RDH14: variants seen among roughly 807,000 people sequenced by gnomAD.
RDH14 encodes retinol dehydrogenase 14.
In RDH14, 17 loss-of-function variants were observed where a neutral mutation model predicts 19.3. The observed-to-expected ratio is 0.88, with a 90% CI of 0.60 to 1.32. RDH14 has a LOEUF of 1.32. Among genes scored for constraint, RDH14 ranks in the 40% most tolerant of loss-of-function variants. RDH14 has a pLI of 0.00. For synonymous variants in RDH14, 215 were observed against 188.9 expected (o/e 1.14, Z -1.13); for missense variants, 534 against 449.2 (o/e 1.19, Z -1.71).
chr2:18,560,083 C>T (rs1664050947), intron 1 of RDH14, 97 bp downstream of exon 1: 2 of 1,347,578 alleles, frequency 1.5e-6, no homozygotes, highest in African/African-American at 1.5e-5. Context: ...ACACCCTGAA[C>T]CCCAGGGCGG....
At position 18,555,048 on chromosome 2, in the gene RDH14, A is replaced by G; in HGVS notation, c.*143T>C. On this transcript the variant is annotated 3_prime_UTR_variant, in exon 2 of 2. Coordinates refer to ENST00000381249, the MANE Select transcript of RDH14 (RefSeq NM_020905.4). ...CCAAAAATAATTTTTCAGTAACTCCAAAATACCCACATGTACCTCTTAGCA... is the reference window on the plus strand; with the variant it reads ...CCAAAAATAATTTTTCAGTAACTCCGAAATACCCACATGTACCTCTTAGCA... 7.5e-7 allele frequency: 1 copy of G among 1,325,736 alleles called. No homozygotes were observed. Among genetic ancestry groups the G allele is most frequent in the Non-Finnish European group, 1.0e-6 (1 of 991,524 alleles). The allele number at this position is 1,325,736 out of a possible 1,614,324, so 82.1% of individuals were successfully genotyped here.
Position 18,555,137 on chromosome 2 carries a change from A to G in RDH14, c.*54T>C. ...AAGTTCTCAATCCACACCATTCCTGATCACAGATATAACTGATATGCAGTT... is the reference window on the plus strand; with the variant it reads ...AAGTTCTCAATCCACACCATTCCTGGTCACAGATATAACTGATATGCAGTT... On this transcript the variant is annotated 3_prime_UTR_variant, in exon 2 of 2. Coordinates refer to ENST00000381249, the MANE Select transcript of RDH14 (RefSeq NM_020905.4). The G allele has an allele frequency of 6.4e-7, 1 of 1,571,948 alleles. No homozygotes were observed. Among genetic ancestry groups the G allele is most frequent in the Non-Finnish European group, 8.6e-7 (1 of 1,159,624 alleles).
chr2:18,555,225 T>C lies in RDH14; in HGVS notation c.977A>G (p.Asp326Gly), dbSNP rs777947764. Residue 326 changes from aspartate to glycine, a missense_variant, in exon 2 of 2, where the codon GAT becomes GGT. By Grantham distance (94) the Asp-to-Gly change is moderately conservative. Transcript: ENST00000381249. ...CAGGCCAACCATCACTTCACTGATATCCCAGAGTTTTCTTGCAACAGATTC... is the reference window on the plus strand; with the variant it reads ...CAGGCCAACCATCACTTCACTGATACCCCAGAGTTTTCTTGCAACAGATTC... ...MDESVARKLW[D>G]ISEVMVGLLK 4 of 1,613,948 alleles carry C rather than the reference T, an allele frequency of 2.5e-6. No individual in the cohort carries two copies. Among genetic ancestry groups the C allele is most frequent in the Middle Eastern group, 1.6e-4 (1 of 6,084 alleles).
Position 18,555,445 on chromosome 2 carries a change from T to A in RDH14, c.757A>T (p.Asn253Tyr). ...NVLHPGIVRT[N>Y]LGRHIHIPLL... ...GGAATGTGTATGTGCCTCCCCAGAT[T>A]TGTCCGTACAATACCAGGATGCAAC... The change falls in exon 2 of 2, where the codon AAT (asparagine) becomes TAT (tyrosine). Residue 253 changes from asparagine (N) to tyrosine (Y), a missense_variant. Physicochemically the swap from Asn to Tyr is moderately radical, Grantham distance 143. Coordinates refer to ENST00000381249, the MANE Select transcript of RDH14 (RefSeq NM_020905.4). 6.2e-7 allele frequency: 1 copy of A among 1,614,132 alleles called. No individual in the cohort carries two copies. Among genetic ancestry groups the A allele is most frequent in the Non-Finnish European group, 8.5e-7 (1 of 1,179,994 alleles).
Position 18,560,312 on chromosome 2 carries a change from G to T in RDH14, c.261C>A (p.Leu87=), listed in dbSNP as rs546106327. ...CCGCGGCCTGGCGGAGCTCGCGGCG[G>T]AGCTGACCCGCCGCCTCCTCGGCGC... ...RARAEEAAGQ[L]RRELRQAAEC... The change falls in exon 1 of 2, where the codon CTC becomes CTA. Residue 87 remains leucine (L), a synonymous_variant. Coordinates refer to ENST00000381249, the MANE Select transcript of RDH14 (RefSeq NM_020905.4). 2,374 of 1,436,860 alleles carry T rather than the reference G, an allele frequency of 1.7e-3. 21 individuals carry two copies. In the African/African-American group the frequency reaches 0.029, roughly 17 times the overall value. The allele number at this position is 1,436,860 out of a possible 1,614,324, so 89.0% of individuals were successfully genotyped here.
At position 18,560,280 on chromosome 2, in the gene RDH14, C is replaced by T; in HGVS notation, c.293G>A (p.Gly98Asp). ...CACCCCGCTGACGCCAGGCTCTGGG[C>T]CGCACTCCGCGGCCTGGCGGAGCTC... is the stretch of plus-strand genomic sequence containing the variant. ...RRELRQAAEC[G>D]PEPGVSGVGE... Residue 98 changes from glycine (G) to aspartate (D), a missense_variant, in exon 1 of 2, where the codon GGC (glycine) becomes GAC (aspartate). Gly to Asp is a moderately conservative substitution (Grantham distance 94). Coordinates refer to ENST00000381249, the MANE Select transcript of RDH14 (RefSeq NM_020905.4). 1 of 1,497,876 alleles carries T rather than the reference C, an allele frequency of 6.7e-7. No individual in the cohort carries two copies. The highest frequency in any genetic ancestry group is 8.8e-7 in the Non-Finnish European group (1 of 1,131,428). The allele number at this position is 1,497,876 out of a possible 1,614,324, so 92.8% of individuals were successfully genotyped here.
Position 18,560,611 on chromosome 2 carries a change from T to C in RDH14, c.-39A>G, listed in dbSNP as rs1315766053. On this transcript the variant is annotated 5_prime_UTR_variant, in exon 1 of 2. Coordinates refer to ENST00000381249, the MANE Select transcript of RDH14 (RefSeq NM_020905.4). ...GGCCCACCGGCCCCTCCACGGGAGT[T>C]CCGCAGCCGCCGCCTTACCGGAACC... is the stretch of plus-strand genomic sequence containing the variant. The C allele has an allele frequency of 7.2e-7, 1 of 1,387,814 alleles. No homozygotes were observed. The highest frequency in any genetic ancestry group is 9.3e-7 in the Non-Finnish European group (1 of 1,081,080). 86.0% of individuals were successfully genotyped at this position (1,387,814 alleles called of 1,614,324 possible). A position where few individuals can be genotyped will look rare whatever the true frequency, so the allele number is the denominator to read the frequency against.
In RDH14 at chr2:18,560,152, C is replaced by A. The variant is rs757986223; in HGVS notation, c.393+28G>T. The A allele has an allele frequency of 2.0e-6, 3 of 1,520,548 alleles. No homozygotes were observed. In the South Asian group the frequency reaches 3.6e-5, roughly 18 times the overall value. 94.2% of individuals were successfully genotyped at this position (1,520,548 alleles called of 1,614,324 possible). On this transcript the variant is annotated intron_variant, in intron 1 of 1. Coordinates refer to ENST00000381249, the MANE Select transcript of RDH14 (RefSeq NM_020905.4). ...TCCCACACCGTGCCCAGGCCCTCCC[C>A]ACCAGCCCGGCCCCCCGAGGCCCAC...
chr2:18,560,538 G>C lies in RDH14; in HGVS notation c.35C>G (p.Ala12Gly). The change falls in exon 1 of 2, where the codon GCT becomes GGT. Residue 12 changes from alanine (A) to glycine (G), a missense_variant. Transcript: ENST00000381249. ...CGCCAGCCACAGCGCCCCGCCCAGA[G>C]CGGCCAGTACTGCCGCCGCAGTGGC... is the stretch of plus-strand genomic sequence containing the variant. ...AVATAAAVLA[A>G]LGGALWLAAR... 1 of 1,507,814 alleles carries C rather than the reference G, an allele frequency of 6.6e-7. No individual in the cohort carries two copies. The highest frequency in any genetic ancestry group is 8.8e-7 in the Non-Finnish European group (1 of 1,136,362). 93.4% of individuals were successfully genotyped at this position (1,507,814 alleles called of 1,614,324 possible).
In RDH14 at chr2:18,555,804, T is replaced by G. The variant is rs1663901358; in HGVS notation, c.398A>C (p.Glu133Ala). The change falls in exon 2 of 2, where the codon GAG becomes GCG. Residue 133 changes from glutamate to alanine, a missense_variant. Physicochemically the swap from Glu to Ala is moderately radical, Grantham distance 107. Transcript: ENST00000381249. ...RAFCQEMLQE[E>A]PRLDVLINNA... is the part of the protein sequence containing the mutation. The stretch of plus-strand genomic sequence containing the variant: ...ATTGATCAAGACATCCAGCCTAGGC[T>G]CTTCCTTTAAATGTCAAAAAGAGAA... 1 of 1,594,938 alleles carries G rather than the reference T, an allele frequency of 6.3e-7. No individual in the cohort carries two copies. The highest frequency in any genetic ancestry group is 8.6e-7 in the Non-Finnish European group (1 of 1,168,064).
chr2:18,555,085 TA>T lies in RDH14; in HGVS notation c.*105del, dbSNP rs2148051139. On this transcript the variant is annotated 3_prime_UTR_variant, in exon 2 of 2. Coordinates refer to ENST00000381249, the MANE Select transcript of RDH14 (RefSeq NM_020905.4). ...TGTACCTCTTAGCAGGCTATTCCAA[TA>T]TCAAAATTCTTTTTCTTCAAGTAAC... 1.3e-6 allele frequency: 2 copies of T among 1,499,568 alleles called. No homozygotes were observed. Among genetic ancestry groups the T allele is most frequent in the Non-Finnish European group, 1.8e-6 (2 of 1,124,614 alleles). 92.9% of individuals were successfully genotyped at this position (1,499,568 alleles called of 1,614,324 possible).
rs1663877815 is a variant in RDH14, at chr2:18,555,279, T to G, written c.923A>C (p.Glu308Ala). 6.2e-7 allele frequency: 1 copy of G among 1,614,128 alleles called. No individual in the cohort carries two copies. The highest frequency in any genetic ancestry group is 1.3e-5 in the African/African-American group (1 of 75,040). The change falls in exon 2 of 2, where the codon GAG (glutamate) becomes GCG (alanine). Residue 308 changes from glutamate (E) to alanine (A), a missense_variant. By Grantham distance (107) the Glu-to-Ala change is moderately radical (BLOSUM62 -1). Coordinates refer to ENST00000381249, the MANE Select transcript of RDH14 (RefSeq NM_020905.4). ...CATAGCTTTGGGCAACAGTTCTTCC[T>G]CTTTACAATCCCCAAAGTATCTTCC... The part of the protein sequence containing the change: ...VSGRYFGDCK[E>A]EELLPKAMDE...
chr2:18,555,808 C>A lies in RDH14; in HGVS notation c.394G>T (p.Glu132Ter), dbSNP rs954819891. 1 of 1,588,754 alleles carries A rather than the reference C, an allele frequency of 6.3e-7. No individual in the cohort carries two copies. Among genetic ancestry groups the A allele is most frequent in the African/African-American group, 1.4e-5 (1 of 73,870 alleles). The change falls in exon 2 of 2, where the codon GAA becomes TAA. Residue 132 changes from glutamate to a stop codon, truncating the protein, a stop_gained and splice_region_variant. Coordinates refer to ENST00000381249, the MANE Select transcript of RDH14 (RefSeq NM_020905.4). LOFTEE classifies it high-confidence loss of function. ...ATCAAGACATCCAGCCTAGGCTCTTCCTTTAAATGTCAAAAAGAGAATGGC... is the reference window on the plus strand; with the variant it reads ...ATCAAGACATCCAGCCTAGGCTCTTACTTTAAATGTCAAAAAGAGAATGGC... ...VRAFCQEMLQ[E>*]EPRLDVLINN...
Position 18,555,669 on chromosome 2 carries a change from A to C in RDH14, c.533T>G (p.Leu178Arg). Residue 178 changes from leucine (L) to arginine (R), a missense_variant, in exon 2 of 2, where the codon CTC (leucine) becomes CGC (arginine). Leu to Arg is a moderately radical substitution (Grantham distance 102). Transcript: ENST00000381249. ...CCTGCTGGGAGCTGAACTTTTGAGG[A>C]GTCCAAGGAGAAGATTGGTGAGTAG... ...HFLLTNLLLG[L>R]LKSSAPSRIV... 1 of 1,614,130 alleles carries C rather than the reference A, an allele frequency of 6.2e-7. No individual in the cohort carries two copies. The highest frequency in any genetic ancestry group is 8.5e-7 in the Non-Finnish European group (1 of 1,179,970).
Position 18,555,292 on chromosome 2 carries a change from C to A in RDH14, c.910G>T (p.Gly304Trp), listed in dbSNP as rs1458920155. The change falls in exon 2 of 2, where the codon GGG becomes TGG. Residue 304 changes from glycine to tryptophan, a missense_variant. Gly to Trp is a radical substitution (Grantham distance 184). Coordinates refer to ENST00000381249, the MANE Select transcript of RDH14 (RefSeq NM_020905.4). ...EVEGVSGRYF[G>W]DCKEEELLPK... ...AACAGTTCTTCCTCTTTACAATCCC[C>A]AAAGTATCTTCCTGACACTCCTTCT... 1 of 1,613,964 alleles carries A rather than the reference C, an allele frequency of 6.2e-7. No individual in the cohort carries two copies. The highest frequency in any genetic ancestry group is 8.5e-7 in the Non-Finnish European group (1 of 1,179,984).
intron 1 of RDH14, among the ~76,000 whole-genome samples, chr2:18,557,194 T>A (rs769510527): frequency 1.2e-4 from 16 of 128,454 alleles, no homozygotes; most frequent in Admixed American, 3.3e-4. Flanking sequence ...TTTTCTCGGT[T>A]GTTCTGTTTC....
In RDH14 at chr2:18,560,160, C is replaced by T. The variant is rs1664055309; in HGVS notation, c.393+20G>A. ...CGTGCCCAGGCCCTCCCCACCAGCC[C>T]GGCCCCCCGAGGCCCACACCTGGAG... is the stretch of plus-strand genomic sequence containing the variant. On this transcript the variant is annotated intron_variant, in intron 1 of 1. Coordinates refer to ENST00000381249, the MANE Select transcript of RDH14 (RefSeq NM_020905.4). 1 of 1,521,300 alleles carries T rather than the reference C, an allele frequency of 6.6e-7. No individual in the cohort carries two copies. Among genetic ancestry groups the T allele is most frequent in the African/African-American group, 1.4e-5 (1 of 71,106 alleles). The allele number at this position is 1,521,300 out of a possible 1,614,324, so 94.2% of individuals were successfully genotyped here.
At position 18,560,350 on chromosome 2, in the gene RDH14, G is replaced by GT; in HGVS notation, c.222_223insA (p.Arg75ThrfsTer61). On this transcript the variant is annotated frameshift_variant, in exon 1 of 2. Transcript: ENST00000381249. LOFTEE classifies it high-confidence loss of function. ...GCCTCCTCGGCGCGCGCGCGGTCCC[G>GT]GCAGCCCATGATCACCCGCGCTCCC... is the stretch of plus-strand genomic sequence containing the variant. 1 of 1,427,272 alleles carries GT rather than the reference G, an allele frequency of 7.0e-7. No homozygotes were observed. The highest frequency in any genetic ancestry group is 9.1e-7 in the Non-Finnish European group (1 of 1,102,796). The allele number at this position is 1,427,272 out of a possible 1,614,324, so 88.4% of individuals were successfully genotyped here. A position where few individuals can be genotyped will look rare whatever the true frequency, so the allele number is the denominator to read the frequency against.
chr2:18,554,871 G>T lies in RDH14; in HGVS notation c.*320C>A. The T allele has an allele frequency of 4.5e-6, 1 of 222,236 alleles. No individual in the cohort carries two copies. The highest frequency in any genetic ancestry group is 8.9e-6 in the Non-Finnish European group (1 of 111,938). 13.8% of individuals were successfully genotyped at this position (222,236 alleles called of 1,614,324 possible). On this transcript the variant is annotated 3_prime_UTR_variant, in exon 2 of 2. Coordinates refer to ENST00000381249, the MANE Select transcript of RDH14 (RefSeq NM_020905.4). ...AAGATACTTGAAAAACCTCTCGATA[G>T]CACTTTGAGTCACTTAATTCTGACA... is the stretch of plus-strand genomic sequence containing the variant.
Sources: allele counts gnomAD v4.1 joint callset (sites outside exome capture counted in the v4.1 genomes callset), GRCh38; gene constraint gnomAD v4.1.1; transcripts MANE v1.5; gene names NCBI Gene and HGNC (gene_info 2026-07-23, HGNC 2026-07-21).